The following GALNT14 variants were observed in gnomAD, a reference collection of about 807,000 sequenced individuals.
The protein encoded by GALNT14 is polypeptide N-acetylgalactosaminyltransferase 14.
A neutral mutation model predicts 77.5 loss-of-function variants in GALNT14; 60 were observed. The ratio of observed to expected loss-of-function variants is 0.77; its 90% CI spans 0.63 to 0.96. The LOEUF is 0.96. Ranked by LOEUF, GALNT14 falls within the 40% of genes least tolerant of loss-of-function variation. The pLI is 0.00. For missense variants in GALNT14, 710 were observed against 731.0 expected (o/e 0.97, Z 0.33); for synonymous variants, 280 against 281.7 (o/e 0.99, Z 0.06).
chr2:31,048,958 T>C (rs1673665294), intron 1 of GALNT14, among the ~76,000 whole-genome samples: 1 of 152,126 alleles, frequency 6.6e-6, no homozygotes, highest in Admixed American at 6.5e-5. Context: ...CCCTCCAACC[T>C]TCAGTTCCAC....
chr2:30,957,324 T>C (rs1443015064), intron 4 of GALNT14, among the ~76,000 whole-genome samples: 2 of 152,162 alleles, frequency 1.3e-5, no homozygotes, highest in African/African-American at 2.4e-5. Flanking sequence ...CCAAGGCACA[T>C]AGCTAGTGAG....
chr2:31,100,911 C>T (rs545219737), intron 1 of GALNT14, among the ~76,000 whole-genome samples: 89 of 152,086 alleles, frequency 5.9e-4, no homozygotes, highest in African/African-American at 2.1e-3. Flanking sequence ...CTAACACAAA[C>T]CCTATTTTAT....
chr2:31,037,848 A>G (rs1672837971), intron 1 of GALNT14, among the ~76,000 whole-genome samples: 1 of 151,484 alleles, frequency 6.6e-6, no homozygotes, highest in East Asian at 1.9e-4. Flanking sequence ...GCTGTTTATA[A>G]CTCTGCCTCA....
downstream of GALNT14, among the ~76,000 whole-genome samples, chr2:30,907,011 T>C (rs1664161861): frequency 6.6e-6 from 1 of 152,062 alleles, no homozygotes. Flanking sequence ...TTGAAACCAA[T>C]GAGAACAAAG....
intron 1 of GALNT14, among the ~76,000 whole-genome samples, chr2:31,016,349 C>T (rs1432928267): frequency 1.3e-5 from 2 of 152,128 alleles, no homozygotes; most frequent in Non-Finnish European, 2.9e-5. Flanking sequence ...TCCTTATAGG[C>T]CATCTCTCCA....
chr2:31,011,624 G>A (rs1468073021), intron 1 of GALNT14, among the ~76,000 whole-genome samples: 1 of 152,176 alleles, frequency 6.6e-6, no homozygotes, highest in Non-Finnish European at 1.5e-5. Context: ...GCTGTTAAGA[G>A]GAGAGGGCGC....
intron 1 of GALNT14, among the ~76,000 whole-genome samples, chr2:31,063,815 T>C (rs1297505818): frequency 6.6e-6 from 1 of 152,150 alleles, no homozygotes; most frequent in Non-Finnish European, 1.5e-5. Flanking sequence ...ATTCTCTTTG[T>C]AGCAATTCTG....
At chr2:30,907,095 C>A (rs1664163727), downstream of GALNT14, among the ~76,000 whole-genome samples, 1 of 152,092 alleles carries the variant, frequency 6.6e-6, no homozygotes, top group South Asian at 2.1e-4. Flanking sequence ...TAAATGCCCA[C>A]AAGAGAAAGC....
intron 9 of GALNT14, among the ~76,000 whole-genome samples, chr2:30,938,204 C>T (rs1054228642): frequency 6.6e-6 from 1 of 151,940 alleles, no homozygotes; most frequent in African/African-American, 2.4e-5. Flanking sequence ...TTGGAAATCC[C>T]CCATTTTAAA....
chr2:31,111,757 T>C (rs1677846984), intron 1 of GALNT14, among the ~76,000 whole-genome samples: 1 of 152,254 alleles, frequency 6.6e-6, no homozygotes, highest in South Asian at 2.1e-4. Context: ...AAAACATTTT[T>C]TTTTTCACAC....
At chr2:31,094,481 CTGTT>C (rs1676907754) in intron 1 of GALNT14, among the ~76,000 whole-genome samples, 3 of 152,224 alleles carry the variant, frequency 2.0e-5, no homozygotes, top group South Asian at 4.1e-4. Flanking sequence ...GAGGCCATAA[CTGTT>C]TGTGTGATCA....
At chr2:31,088,315 T>A (rs1327590427) in intron 1 of GALNT14, among the ~76,000 whole-genome samples, 1 of 152,230 alleles carries the variant, frequency 6.6e-6, no homozygotes, top group Non-Finnish European at 1.5e-5. Flanking sequence ...GGTAGATTAT[T>A]ATTCAGCAAG....
intron 1 of GALNT14, among the ~76,000 whole-genome samples, chr2:31,065,728 T>C (rs938810477): frequency 6.6e-6 from 1 of 152,208 alleles, no homozygotes; most frequent in African/African-American, 2.4e-5. Context: ...ATTCAAATCG[T>C]GCTGGGGAGC....
chr2:30,928,934 A>G (rs1665554226), intron 11 of GALNT14, among the ~76,000 whole-genome samples: 1 of 152,116 alleles, frequency 6.6e-6, no homozygotes, highest in South Asian at 2.1e-4. Context: ...GCTTTTAATA[A>G]ACATTCCTTT....
chr2:30,956,379 G>GAT (rs1455817707), intron 4 of GALNT14, among the ~76,000 whole-genome samples: 1 of 152,022 alleles, frequency 6.6e-6, no homozygotes, highest in Non-Finnish European at 1.5e-5. Context: ...ACACATAGTA[G>GAT]ATATATATAT....
At chr2:31,041,619 C>T (rs556384318) in intron 1 of GALNT14, among the ~76,000 whole-genome samples, 1 of 152,136 alleles carries the variant, frequency 6.6e-6, no homozygotes, top group Admixed American at 6.5e-5. Context: ...GCTTGGGATC[C>T]CATGCTACGG....
In GALNT14 at chr2:30,976,606, C is replaced by CGTGTGTGTGTGT. The variant is rs550215452; in HGVS notation, c.300-10305_300-10304insACACACACACAC. The stretch of plus-strand genomic sequence containing the variant: ...CAGACGGCAGCTGTGTGTGCATGTG[C>CGTGTGTGTGTGT]GTGTGCGTGTGTGTATGTGTGTGTG... On this transcript the variant is annotated intron_variant, in intron 2 of 14. Transcript: ENST00000349752. Among the ~76,000 whole-genome samples the CGTGTGTGTGTGT allele has an allele frequency of 3.1e-3, 444 of 144,234 alleles. 2 individuals carry two copies. The highest frequency in any genetic ancestry group is 6.1e-3 in the East Asian group (29 of 4,726). 94.6% of individuals were successfully genotyped at this position (144,234 alleles called of 152,430 possible). A position where few individuals can be genotyped will look rare whatever the true frequency, so the allele number is the denominator to read the frequency against.
At chr2:30,946,352 G>A (rs1177274741) in intron 6 of GALNT14, among the ~76,000 whole-genome samples, 1 of 152,168 alleles carries the variant, frequency 6.6e-6, no homozygotes, top group Non-Finnish European at 1.5e-5. Flanking sequence ...GATCATAAGG[G>A]TGGATTTCTC....
intron 1 of GALNT14, among the ~76,000 whole-genome samples, chr2:31,070,130 T>A (rs1675259469): frequency 6.6e-6 from 1 of 152,148 alleles, no homozygotes; most frequent in Non-Finnish European, 1.5e-5. Context: ...GGAAGCTCAC[T>A]ACCTCATGGC....
Sources: allele counts gnomAD v4.1 joint callset (sites outside exome capture counted in the v4.1 genomes callset), GRCh38; gene constraint gnomAD v4.1.1; transcripts MANE v1.5; gene names NCBI Gene and HGNC (gene_info 2026-07-23, HGNC 2026-07-21).